PLXND1: variants seen among roughly 807,000 people sequenced by gnomAD.
PLXND1 encodes the protein plexin-D1.
In PLXND1, 54 loss-of-function variants were observed where a neutral mutation model predicts 197.7. That is an observed-to-expected ratio of 0.27 (90% confidence interval 0.22 to 0.34). PLXND1 has a LOEUF of 0.34. Among genes scored for constraint, PLXND1 ranks in the 10% least tolerant of loss-of-function variants. The pLI, the probability that PLXND1 is intolerant of heterozygous loss-of-function variation, is 1.00. For synonymous variants in PLXND1, 1,180 were observed against 1,161.2 expected, an observed-to-expected ratio of 1.02 and a Z score of -0.33; for missense variants, 2,127 against 2,699.2, an observed-to-expected ratio of 0.79 and a Z score of 4.70.
chr3:129,565,926 T>C lies in PLXND1; in HGVS notation c.4283A>G (p.His1428Arg). 1 of 1,614,156 alleles carries C rather than the reference T, an allele frequency of 6.2e-7. No homozygotes were observed. The highest frequency in any genetic ancestry group is 8.5e-7 in the Non-Finnish European group (1 of 1,179,992). The change falls in exon 24 of 36, where the codon CAC (histidine) becomes CGC (arginine). Residue 1428 changes from histidine (H) to arginine (R), a missense_variant. Physicochemically the swap from His to Arg is conservative, Grantham distance 29. Around this residue, in one of 6 missense-constraint regions of PLXND1, gnomAD observed 532 missense variants for 811.0 expected, o/e 0.66. Transcript: ENST00000324093. Reference protein sequence around the residue: ...NNKHFLIVFVHALEQQKDFAV... With the variant: ...NNKHFLIVFVRALEQQKDFAV... Reference sequence around the variant, plus strand: ...AAAGTCCTTCTGCTGCTCCAGCGCGTGGACAAAGACGATGAGGAAGTGCTT... The same window carrying C: ...AAAGTCCTTCTGCTGCTCCAGCGCGCGGACAAAGACGATGAGGAAGTGCTT...
rs72990021 is a variant in PLXND1, at chr3:129,578,152, G to A, written c.2346+177C>T. The stretch of plus-strand genomic sequence containing the variant: ...TTGCAGCCCCGTGCAGTCAGAGTGG[G>A]GCTTCCTCATGCAGAAGGTGGAAAC... On this transcript the variant is annotated intron_variant, in intron 9 of 35. Coordinates refer to ENST00000324093, the MANE Select transcript of PLXND1 (RefSeq NM_015103.3). Among the ~76,000 whole-genome samples, 388 of 152,332 alleles carry A rather than the reference G, an allele frequency of 2.5e-3. 4 individuals carry two copies. Among genetic ancestry groups the A allele is most frequent in the African/African-American group, 8.8e-3 (366 of 41,584 alleles).
Position 129,606,433 on chromosome 3 carries a change from C to T in PLXND1, c.207G>A (p.Gly69=). The T allele has an allele frequency of 4.7e-6, 7 of 1,476,672 alleles. No homozygotes were observed. Among genetic ancestry groups the T allele is most frequent in the Non-Finnish European group, 6.2e-6 (7 of 1,121,352 alleles). The allele number at this position is 1,476,672 out of a possible 1,614,324, so 91.5% of individuals were successfully genotyped here. The part of the protein sequence containing the change: ...TNNFALDGAA[G]TVYLAAVNRL... Reference sequence around the variant, plus strand: ...GGTTGACGGCCGCCAGGTACACGGTCCCCGCCGCGCCGTCCAGGGCGAAGT... The same window carrying T: ...GGTTGACGGCCGCCAGGTACACGGTTCCCGCCGCGCCGTCCAGGGCGAAGT... Residue 69 remains glycine (G), a synonymous_variant, in exon 1 of 36, where the codon GGG becomes GGA. Transcript: ENST00000324093.
chr3:129,572,919 C>T lies in PLXND1; in HGVS notation c.2860G>A (p.Ala954Thr), dbSNP rs1450403986. ...SEEIVCVTGPAPGPLSGVVTV... is the reference protein window; with the variant it reads ...SEEIVCVTGPTPGPLSGVVTV... ...ACCACACCTGAGAGTGGTCCTGGGG[C>T]TGGCCCTGTGACACACACGATCCTG... Residue 954 changes from alanine (A) to threonine (T), a missense_variant, in exon 14 of 36, where the codon GCC (alanine) becomes ACC (threonine). Physicochemically the swap from Ala to Thr is moderately conservative, Grantham distance 58. This residue lies in a region of PLXND1 where 1,095 missense variants were observed against 1,259.8 expected (regional missense o/e 0.87). Coordinates refer to ENST00000324093, the MANE Select transcript of PLXND1 (RefSeq NM_015103.3). The T allele has an allele frequency of 2.5e-6, 4 of 1,613,430 alleles. No individual in the cohort carries two copies. Among genetic ancestry groups the T allele is most frequent in the Non-Finnish European group, 3.4e-6 (4 of 1,179,754 alleles).
chr3:129,589,455 C>T lies in PLXND1; in HGVS notation c.1384G>A (p.Ala462Thr). The change falls in exon 2 of 36, where the codon GCC (alanine) becomes ACC (threonine). Residue 462 changes from alanine (A) to threonine (T), a missense_variant. Transcript: ENST00000324093. ...HPLSILQPLK[A>T]TPVFRAPGLT... The stretch of plus-strand genomic sequence containing the variant: ...CCCGGGGCGCGGAACACGGGCGTGG[C>T]CTTCAGGGGCTGCAGGATGGACAGC... 1 of 1,611,146 alleles carries T rather than the reference C, an allele frequency of 6.2e-7. No individual in the cohort carries two copies. The highest frequency in any genetic ancestry group is 8.5e-7 in the Non-Finnish European group (1 of 1,179,248).
rs764490015 is a variant in PLXND1, at chr3:129,566,571, T to C, written c.4147A>G (p.Ser1383Gly). ...GGGTGGGTTTCCTGTGCCTGGGAGC[T>C]GCCCTGGGAGTTGAGGGTCTGGGAG... ...LPSQTLNSQG[S>G]SQAQETHPLL... Residue 1383 changes from serine to glycine, a missense_variant, in exon 23 of 36, where the codon AGC becomes GGC. Around this residue, in one of 6 missense-constraint regions of PLXND1, gnomAD observed 532 missense variants for 811.0 expected, o/e 0.66. Coordinates refer to ENST00000324093, the MANE Select transcript of PLXND1 (RefSeq NM_015103.3). 1 of 1,613,428 alleles carries C rather than the reference T, an allele frequency of 6.2e-7. No homozygotes were observed. The highest frequency in any genetic ancestry group is 2.2e-5 in the East Asian group (1 of 44,892).
Position 129,586,618 on chromosome 3 carries a change from G to A in PLXND1, c.1590C>T (p.Ser530=), listed in dbSNP as rs962975695. The A allele has an allele frequency of 4.1e-5, 65 of 1,574,034 alleles. 1 individual carries two copies. The highest frequency in any genetic ancestry group is 5.4e-5 in the Non-Finnish European group (63 of 1,159,276). ...GGGACGTCATCAGGTAAAGGTAACC[G>A]GAGTCTGCTGGGTCAAACTGCATGA... is the stretch of plus-strand genomic sequence containing the variant. ...HHVMQFDPAD[S]GYLYLMTSHQ... Residue 530 remains serine, a synonymous_variant, in exon 3 of 36, where the codon TCC becomes TCT. Coordinates refer to ENST00000324093, the MANE Select transcript of PLXND1 (RefSeq NM_015103.3).
At chr3:129,589,310 T>TGGCCCCCCCCCCCCCCCCCCCCC in intron 2 of PLXND1, 41 bp downstream of exon 2, 7 of 501,294 alleles carry the variant, frequency 1.4e-5, no homozygotes, top group Admixed American at 2.8e-5. Flanking sequence ...CAGGGGAGCC[T>TGGCCCCCCCCCCCCCCCCCCCCC]CCCACCCCCA....
chr3:129,606,494 A>C lies in PLXND1; in HGVS notation c.146T>G (p.Ile49Ser). The C allele has an allele frequency of 7.1e-7, 1 of 1,416,974 alleles. No individual in the cohort carries two copies. The highest frequency in any genetic ancestry group is 9.2e-7 in the Non-Finnish European group (1 of 1,087,318). The allele number at this position is 1,416,974 out of a possible 1,614,324, so 87.8% of individuals were successfully genotyped here. The change falls in exon 1 of 36, where the codon ATC (isoleucine) becomes AGC (serine). Residue 49 changes from isoleucine (I) to serine (S), a missense_variant. Ile to Ser is a moderately radical substitution (Grantham distance 142, BLOSUM62 -2). Coordinates refer to ENST00000324093, the MANE Select transcript of PLXND1 (RefSeq NM_015103.3). Reference protein sequence around the residue: ...LGAARAGALEIQRRFPSPTPT... With the variant: ...LGAARAGALESQRRFPSPTPT... ...CGTGGGCGAGGGGAACCGACGCTGG[A>C]TCTCCAGGGCGCCGGCCCGCGCCGC...
chr3:129,578,626 G>A (rs953076571), intron 8 of PLXND1, 193 bp from the exon 9 acceptor site: 4 of 574,158 alleles, frequency 7.0e-6, no homozygotes, highest in East Asian at 3.0e-5. Flanking sequence ...TGGGCAGGTC[G>A]CATTGGCCCT....
intron 1 of PLXND1, among the ~76,000 whole-genome samples, chr3:129,600,502 A>G (rs924673642): frequency 3.3e-5 from 5 of 152,114 alleles, no homozygotes; most frequent in Non-Finnish European, 7.4e-5. Context: ...CTGTTTTATA[A>G]TGAGAAAGAA....
chr3:129,599,557 A>T (rs576722144), intron 1 of PLXND1, among the ~76,000 whole-genome samples: 43 of 152,236 alleles, frequency 2.8e-4, no homozygotes, highest in African/African-American at 9.9e-4. Flanking sequence ...CATTGAACCC[A>T]CATCTCTCAT....
intron 25 of PLXND1, 51 bp from the exon 26 acceptor site, chr3:129,563,291 C>CTA: frequency 6.6e-7 from 1 of 1,510,800 alleles, no homozygotes; most frequent in Non-Finnish European, 8.9e-7. Context: ...ATTCCAGCCC[C>CTA]CATGCTTTGG....
intron 29 of PLXND1, chr3:129,561,007 G>A (rs906624109): frequency 1.8e-6 from 1 of 569,246 alleles, no homozygotes; most frequent in African/African-American, 1.9e-5. Context: ...GCGAGACAGA[G>A]TGAGGCAGAG....
intron 25 of PLXND1, among the ~76,000 whole-genome samples, chr3:129,563,519 G>C (rs531515314): frequency 1.3e-5 from 2 of 152,370 alleles, no homozygotes; most frequent in East Asian, 3.9e-4. Context: ...CCGAGGCTCA[G>C]AGAGGGCAAG....
At chr3:129,575,395 T>G in intron 11 of PLXND1, 74 bp downstream of exon 11, 3 of 885,982 alleles carry the variant, frequency 3.4e-6, no homozygotes, top group Non-Finnish European at 5.5e-6. Flanking sequence ...ACCACTGGAA[T>G]GAGTCGCACA....
At chr3:129,603,281 C>T (rs567011953) in intron 1 of PLXND1, among the ~76,000 whole-genome samples, 16 of 152,300 alleles carry the variant, frequency 1.1e-4, no homozygotes, top group Non-Finnish European at 1.9e-4. Context: ...GGCCCTGTCC[C>T]CTTAGGTAGA....
chr3:129,586,734 G>T lies in PLXND1; in HGVS notation c.1489-15C>A, dbSNP rs748826691. The T allele has an allele frequency of 6.3e-7, 1 of 1,598,214 alleles. No individual in the cohort carries two copies. The highest frequency in any genetic ancestry group is 1.1e-5 in the South Asian group (1 of 88,156). ...TTCAGGTTGATCTGTGGGGGTAGTGGGCATCAGGGTGCTGGAGCCCATAGC... is the reference window on the plus strand; with the variant it reads ...TTCAGGTTGATCTGTGGGGGTAGTGTGCATCAGGGTGCTGGAGCCCATAGC... On this transcript the variant is annotated splice_polypyrimidine_tract_variant and intron_variant, in intron 2 of 35. Transcript: ENST00000324093.
At chr3:129,599,073 G>A (rs1299667490) in intron 1 of PLXND1, among the ~76,000 whole-genome samples, 2 of 152,182 alleles carry the variant, frequency 1.3e-5, no homozygotes, top group African/African-American at 2.4e-5. Flanking sequence ...TCGGAGAACG[G>A]AGGCCCAGGT....
Position 129,565,798 on chromosome 3 carries a change from C to G in PLXND1, c.4322+89G>C. ...GGCTGGAATATGGGGGTGTCAAGAG[C>G]CCCAGAGCCCCAGGACCCAGGACCT... On this transcript the variant is annotated intron_variant, in intron 24 of 35. Coordinates refer to ENST00000324093, the MANE Select transcript of PLXND1 (RefSeq NM_015103.3). 3.6e-6 allele frequency: 5 copies of G among 1,402,618 alleles called. No individual in the cohort carries two copies. The South Asian group carries it at 6.3e-5, about 18-fold the overall frequency. 86.9% of individuals were successfully genotyped at this position (1,402,618 alleles called of 1,614,324 possible).
Sources: allele counts gnomAD v4.1 joint callset (sites outside exome capture counted in the v4.1 genomes callset), GRCh38; gene constraint gnomAD v4.1.1; regional missense constraint gnomAD v4.1.1; transcripts MANE v1.5; gene names NCBI Gene and HGNC (gene_info 2026-07-23, HGNC 2026-07-21).